The following MIPOL1 variants were observed in gnomAD, a reference collection of about 807,000 sequenced individuals.
The protein encoded by MIPOL1 is mirror-image polydactyly gene 1 protein.
A neutral mutation model predicts 60.9 loss-of-function variants in MIPOL1; 57 were observed. The ratio of observed to expected loss-of-function variants is 0.94; its 90% confidence interval spans 0.76 to 1.17. The LOEUF (loss-of-function observed/expected upper bound fraction) is 1.17, where lower values mean the gene tolerates loss of function less well. MIPOL1 is among the 50% of genes most tolerant of loss of function. MIPOL1 has a pLI of 0.00. For synonymous variants in MIPOL1, 179 were observed against 168.8 expected (o/e 1.06, Z -0.47); for missense variants, 551 against 511.6 (o/e 1.08, Z -0.74).
At chr14:37,484,616 G>GT (rs1478611971) in intron 11 of MIPOL1, among the ~76,000 whole-genome samples, 1 of 152,002 alleles carries the variant, frequency 6.6e-6, no homozygotes, top group Non-Finnish European at 1.5e-5. Context: ...GATTACAGTC[G>GT]TGGGCCACCA....
chr14:37,480,603 C>G (rs1402999425), intron 11 of MIPOL1, among the ~76,000 whole-genome samples: 1 of 152,024 alleles, frequency 6.6e-6, no homozygotes, highest in East Asian at 1.9e-4. Flanking sequence ...TAACATTACA[C>G]TCAGCTGTAA....
chr14:37,324,639 A>G (rs2088955096), intron 9 of MIPOL1, among the ~76,000 whole-genome samples: 1 of 152,114 alleles, frequency 6.6e-6, no homozygotes, highest in Non-Finnish European at 1.5e-5. Context: ...TCAAGTTTGC[A>G]AAGCTGACAG....
chr14:37,475,591 G>A (rs940855530), intron 11 of MIPOL1, among the ~76,000 whole-genome samples: 6 of 151,586 alleles, frequency 4.0e-5, no homozygotes, highest in African/African-American at 1.5e-4. Flanking sequence ...CTTGAGTTAC[G>A]TTTTGTGAAA....
intron 7 of MIPOL1, among the ~76,000 whole-genome samples, chr14:37,295,025 A>G (rs1210485855): frequency 2.6e-5 from 4 of 152,146 alleles, no homozygotes; most frequent in African/African-American, 9.7e-5. Context: ...AGTTGAAATG[A>G]AGGAAAAAAT....
Position 37,394,774 on chromosome 14 carries a change from T to C in MIPOL1, c.936+25150T>C, listed in dbSNP as rs560449811. ...ACAAAACCTCTTTAGTTTAATTAAGTCCCAACTATTTATTTTTGTTTTTAT... is the reference window on the plus strand; with the variant it reads ...ACAAAACCTCTTTAGTTTAATTAAGCCCCAACTATTTATTTTTGTTTTTAT... On this transcript the variant is annotated intron_variant, in intron 10 of 12. Coordinates refer to ENST00000684589, the MANE Select transcript of MIPOL1 (RefSeq NM_001388067.1). 5.3e-5 allele frequency among the ~76,000 whole-genome samples: 8 copies of C among 152,306 alleles called. 1 individual carries two copies. The South Asian group carries it at 1.7e-3, about 32-fold the overall frequency.
intron 10 of MIPOL1, among the ~76,000 whole-genome samples, chr14:37,402,101 T>A (rs984548863): frequency 4.6e-5 from 7 of 152,142 alleles, no homozygotes; most frequent in Non-Finnish European, 5.9e-5. Context: ...AGAATGAATT[T>A]TCTTATTCAT....
chr14:37,259,109 A>T (rs1975454064), intron 3 of MIPOL1, among the ~76,000 whole-genome samples: 1 of 152,124 alleles, frequency 6.6e-6, no homozygotes, highest in African/African-American at 2.4e-5. Flanking sequence ...TAATGTCCAA[A>T]TGAATGAGTT....
intron 11 of MIPOL1, among the ~76,000 whole-genome samples, chr14:37,439,082 T>C (rs535083477): frequency 6.6e-6 from 1 of 152,324 alleles, no homozygotes; most frequent in African/African-American, 2.4e-5. Context: ...GAGGATAAGA[T>C]GCAATTGCTA....
chr14:37,264,442 A>G (rs943934090), intron 3 of MIPOL1, among the ~76,000 whole-genome samples: 1 of 151,414 alleles, frequency 6.6e-6, no homozygotes, highest in African/African-American at 2.4e-5. Context: ...CCTGGGCAAC[A>G]TGGCAAGACC....
Position 37,329,981 on chromosome 14 carries a change from A to C in MIPOL1, c.828+21462A>C, listed in dbSNP as rs192231468. 3.9e-5 allele frequency among the ~76,000 whole-genome samples: 6 copies of C among 151,968 alleles called. No individual in the cohort carries two copies. In the East Asian group the frequency reaches 1.2e-3, roughly 30 times the overall value. ...TTCAACATTACAAGGTTATAACTGT[A>C]CAAAAAGGATCAAAACACCACATCC... On this transcript the variant is annotated intron_variant, in intron 9 of 12. Coordinates refer to ENST00000684589, the MANE Select transcript of MIPOL1 (RefSeq NM_001388067.1).
chr14:37,356,075 A>G (rs1297174751), intron 9 of MIPOL1, among the ~76,000 whole-genome samples: 1 of 147,380 alleles, frequency 6.8e-6, no homozygotes, highest in African/African-American at 2.5e-5. Flanking sequence ...TGATGTACAG[A>G]TGGGTTTTTG....
chr14:37,266,306 G>A (rs1424163457), intron 3 of MIPOL1, among the ~76,000 whole-genome samples: 4 of 152,150 alleles, frequency 2.6e-5, no homozygotes. Context: ...AGATACATCT[G>A]AAGATTACTT....
At chr14:37,526,461 C>T (rs551153194) in intron 12 of MIPOL1, among the ~76,000 whole-genome samples, 209 of 151,502 alleles carry the variant, frequency 1.4e-3, no homozygotes, top group Non-Finnish European at 2.1e-3. Context: ...GCTCCACCTC[C>T]CCGGTTTACG....
chr14:37,444,563 G>A (rs575527060), intron 11 of MIPOL1, among the ~76,000 whole-genome samples: 1 of 152,142 alleles, frequency 6.6e-6, no homozygotes, highest in South Asian at 2.1e-4. Context: ...GATTAGAATT[G>A]CCAAGGCAGT....
intron 11 of MIPOL1, among the ~76,000 whole-genome samples, chr14:37,476,131 G>A (rs925525368): frequency 6.6e-6 from 1 of 152,120 alleles, no homozygotes; most frequent in Non-Finnish European, 1.5e-5. Context: ...TTTATTGGAT[G>A]TATACCTAAG....
chr14:37,478,431 T>C (rs1566677360), intron 11 of MIPOL1, among the ~76,000 whole-genome samples: 1 of 152,148 alleles, frequency 6.6e-6, no homozygotes, highest in Non-Finnish European at 1.5e-5. Context: ...GAGAAATTCA[T>C]TGACAAATTT....
chr14:37,514,998 G>A (rs905333603), intron 12 of MIPOL1, among the ~76,000 whole-genome samples: 11 of 152,070 alleles, frequency 7.2e-5, no homozygotes, highest in Admixed American at 2.6e-4. Context: ...TTCCGTAATT[G>A]GTTATTTATC....
chr14:37,298,957 C>T (rs2086077074), intron 7 of MIPOL1, among the ~76,000 whole-genome samples: 1 of 150,862 alleles, frequency 6.6e-6, no homozygotes, highest in South Asian at 2.1e-4. Context: ...GGTATATACC[C>T]AAAGGACTAT....
At chr14:37,402,098 A>C (rs562151501) in intron 10 of MIPOL1, among the ~76,000 whole-genome samples, 1 of 152,212 alleles carries the variant, frequency 6.6e-6, no homozygotes. Context: ...AAGAGAATGA[A>C]TTTTCTTATT....
Sources: gnomAD v4.1 joint callset for allele counts (sites outside exome capture counted in the v4.1 genomes callset) on GRCh38, gnomAD v4.1.1 for gene constraint, MANE v1.5 for transcripts, NCBI Gene and HGNC (gene_info 2026-07-23, HGNC 2026-07-21) for gene names.